TDRD7: variants seen among roughly 807,000 people sequenced by gnomAD.
TDRD7 encodes the protein tudor domain containing 7, also known as tudor domain-containing protein 7.
In TDRD7, 47 loss-of-function variants were observed where a neutral mutation model predicts 109.8. That is an observed-to-expected ratio of 0.43 (90% confidence interval 0.34 to 0.55). TDRD7 has a LOEUF of 0.55. Ranked by LOEUF, TDRD7 falls within the 20% of genes least tolerant of loss-of-function variation. The probability of loss-of-function intolerance (pLI) is 0.03; values close to 1 mark genes in which losing one functional copy is unlikely to be tolerated. For synonymous variants in TDRD7, 424 were observed against 457.3 expected (o/e 0.93, Z 0.93); for missense variants, 1,164 against 1,319.2 (o/e 0.88, Z 1.82).
chr9:97,493,684 T>TG (rs1829342747), intron 16 of TDRD7, among the ~76,000 whole-genome samples: 1 of 152,156 alleles, frequency 6.6e-6, no homozygotes, highest in South Asian at 2.1e-4. Context: ...TACAGGAGAC[T>TG]GGGGCTTATT....
At position 97,487,065 on chromosome 9, in the gene TDRD7, A is replaced by G. The variant is rs965749828; in HGVS notation, c.2916-107A>G. ...AAAATATAGTTTTAAATTTTGATAAACATAATTTGCATTAATTTTTCTTTT... is the reference window on the plus strand; with the variant it reads ...AAAATATAGTTTTAAATTTTGATAAGCATAATTTGCATTAATTTTTCTTTT... On this transcript the variant is annotated intron_variant, in intron 15 of 16. Transcript: ENST00000355295. 3.2e-4 allele frequency: 392 copies of G among 1,236,174 alleles called. 1 individual carries two copies. Among genetic ancestry groups the G allele is most frequent in the Non-Finnish European group, 2.4e-4 (206 of 867,222 alleles). 76.6% of individuals were successfully genotyped at this position (1,236,174 alleles called of 1,614,324 possible).
intron 6 of TDRD7, among the ~76,000 whole-genome samples, chr9:97,446,938 A>G (rs1452753522): frequency 6.6e-6 from 1 of 152,228 alleles, no homozygotes; most frequent in Admixed American, 6.5e-5. Context: ...AATATATTCT[A>G]AATAATGCCA....
intron 6 of TDRD7, among the ~76,000 whole-genome samples, chr9:97,447,521 C>G (rs1828422657): frequency 6.6e-6 from 1 of 152,140 alleles, no homozygotes; most frequent in Admixed American, 6.5e-5. Context: ...CCAGCAAGCT[C>G]TACAAGGAAA....
chr9:97,460,471 A>G lies in TDRD7; in HGVS notation c.1149A>G (p.Ser383=). The change falls in exon 7 of 17, where the codon TCA becomes TCG. Residue 383 remains serine, a synonymous_variant. Coordinates refer to ENST00000355295, the MANE Select transcript of TDRD7 (RefSeq NM_014290.3). ...AGGATGCCTTAAAAAATCTTGCCTC[A>G]CTTTCTGATGTATGCAGCATAGACT... ...FPEDALKNLA[S]LSDVCSIDYI... The G allele has an allele frequency of 6.2e-7, 1 of 1,614,216 alleles. No homozygotes were observed. The highest frequency in any genetic ancestry group is 8.5e-7 in the Non-Finnish European group (1 of 1,180,036).
chr9:97,419,228 G>GTTC (rs1253589037), intron 1 of TDRD7, among the ~76,000 whole-genome samples: 1 of 152,192 alleles, frequency 6.6e-6, no homozygotes, highest in South Asian at 2.1e-4. Context: ...GAACTGATGG[G>GTTC]AGGGATTGGG....
Position 97,475,366 on chromosome 9 carries a change from G to C in TDRD7, c.2080-17G>C, listed in dbSNP as rs1460181521. 2 of 1,586,400 alleles carry C rather than the reference G, an allele frequency of 1.3e-6. No individual in the cohort carries two copies. Among genetic ancestry groups the C allele is most frequent in the South Asian group, 2.2e-5 (2 of 90,354 alleles). The stretch of plus-strand genomic sequence containing the variant: ...TTGCTAAGAGTAATAAGAGTATCAT[G>C]CATTTCTGTTTTGCAGCACATGACC... On this transcript the variant is annotated splice_polypyrimidine_tract_variant and intron_variant, in intron 11 of 16. Transcript: ENST00000355295.
intron 2 of TDRD7, among the ~76,000 whole-genome samples, chr9:97,430,693 T>G (rs1306318601): frequency 1.3e-5 from 2 of 152,206 alleles, no homozygotes; most frequent in African/African-American, 4.8e-5. Context: ...TAATACCTAT[T>G]TAAAAATAAA....
At position 97,412,415 on chromosome 9, in the gene TDRD7, G is replaced by A. The variant is rs2118168394; in HGVS notation, c.-7+177G>A. 6.6e-6 allele frequency among the ~76,000 whole-genome samples: 1 copy of A among 152,322 alleles called. No homozygotes were observed. The highest frequency in any genetic ancestry group is 2.1e-4 in the South Asian group (1 of 4,828). On this transcript the variant is annotated intron_variant, in intron 1 of 16. Transcript: ENST00000355295. The surrounding 1 kb of genome is among the most constrained non-coding windows in gnomAD (Gnocchi z 4.3). ...GGGGATTGCCCCCGCCCCGACGCCT[G>A]GGAACCGGGCTGGGCGCCGGGGGAG...
chr9:97,472,860 A>G (rs956671930), intron 10 of TDRD7, among the ~76,000 whole-genome samples: 9 of 152,122 alleles, frequency 5.9e-5, no homozygotes, highest in African/African-American at 2.2e-4. Context: ...CAAAAGAAGG[A>G]AGCCTTTAAA....
At chr9:97,454,044 A>T (rs770534239) in intron 6 of TDRD7, among the ~76,000 whole-genome samples, 1 of 152,202 alleles carries the variant, frequency 6.6e-6, no homozygotes, top group African/African-American at 2.4e-5. Context: ...GATCAAGTGG[A>T]CCTAATAGAC....
Position 97,487,293 on chromosome 9 carries a change from C to T in TDRD7, c.3037C>T (p.Arg1013Ter), listed in dbSNP as rs750350012. 3 of 1,613,880 alleles carry T rather than the reference C, an allele frequency of 1.9e-6. No individual in the cohort carries two copies. The highest frequency in any genetic ancestry group is 1.1e-5 in the South Asian group (1 of 91,080). ...RKVQPLVDMF[R>*]KLPFQAVTAQ... ...AGTACAGCCCCTAGTGGACATGTTC[C>T]GAAAGCTGCCCTTCCAAGCAGTCAC... is the stretch of plus-strand genomic sequence containing the variant. Residue 1013 changes from arginine (R) to a stop codon, truncating the protein, a stop_gained, in exon 16 of 17, where the codon CGA becomes TGA. Coordinates refer to ENST00000355295, the MANE Select transcript of TDRD7 (RefSeq NM_014290.3). LOFTEE classifies it high-confidence loss of function.
chr9:97,443,446 T>C (rs1393925782), intron 6 of TDRD7, among the ~76,000 whole-genome samples: 2 of 152,252 alleles, frequency 1.3e-5, no homozygotes, highest in African/African-American at 4.8e-5. Context: ...CTGATTTATG[T>C]GGAATATAGG....
At chr9:97,466,613 A>G (rs1441641284) in intron 8 of TDRD7, among the ~76,000 whole-genome samples, 1 of 152,248 alleles carries the variant, frequency 6.6e-6, no homozygotes, top group Admixed American at 6.5e-5. Context: ...TGTTAACAAT[A>G]CAAAGGAATT....
intron 6 of TDRD7, among the ~76,000 whole-genome samples, chr9:97,447,990 C>T (rs756937560): frequency 7.2e-5 from 11 of 152,100 alleles, no homozygotes; most frequent in Non-Finnish European, 1.3e-4. Flanking sequence ...TGGGAGTAAG[C>T]GGAAGTGTTG....
chr9:97,436,286 C>A (rs933739083), intron 4 of TDRD7, among the ~76,000 whole-genome samples: 1 of 152,000 alleles, frequency 6.6e-6, no homozygotes, highest in African/African-American at 2.4e-5. Flanking sequence ...TTTTGCTTTG[C>A]TACTTTGAAA....
chr9:97,418,539 T>C (rs533965898), intron 1 of TDRD7, among the ~76,000 whole-genome samples: 1 of 148,252 alleles, frequency 6.7e-6, no homozygotes, highest in East Asian at 2.0e-4. Context: ...TGCCGCTCCT[T>C]AAAAAAAAAA....
At chr9:97,440,421 C>T (rs1828282855) in intron 5 of TDRD7, among the ~76,000 whole-genome samples, 1 of 152,240 alleles carries the variant, frequency 6.6e-6, no homozygotes, top group African/African-American at 2.4e-5. Context: ...CTGACACATT[C>T]TCATTATGGG....
chr9:97,475,986 C>T (rs1307024678), intron 12 of TDRD7, among the ~76,000 whole-genome samples: 7 of 152,148 alleles, frequency 4.6e-5, no homozygotes, highest in Non-Finnish European at 8.8e-5. Context: ...AATATGCCAA[C>T]GTTATCACTC....
At chr9:97,421,587 A>G (rs748700951) in intron 1 of TDRD7, among the ~76,000 whole-genome samples, 2 of 151,896 alleles carry the variant, frequency 1.3e-5, no homozygotes, top group Non-Finnish European at 2.9e-5. Flanking sequence ...CAATTTGTCA[A>G]TTTCTTCTTT....
Sources: gnomAD v4.1 joint callset for allele counts (sites outside exome capture counted in the v4.1 genomes callset) on GRCh38, gnomAD v4.1.1 for gene constraint, Gnocchi (gnomAD v3.1) non-coding constraint, MANE v1.5 for transcripts, NCBI Gene and HGNC (gene_info 2026-07-23, HGNC 2026-07-21) for gene names.